The following IL1RAPL2 variants were observed in gnomAD, a reference collection of about 807,000 sequenced individuals.
IL1RAPL2 encodes interleukin 1 receptor accessory protein like 2, also known as X-linked interleukin-1 receptor accessory protein-like 2.
IL1RAPL2 carries 3 observed loss-of-function variants against 44.1 expected under a neutral mutation model. That is an observed-to-expected ratio of 0.07 (90% confidence interval 0.03 to 0.18). The LOEUF is 0.18. IL1RAPL2 is among the 10% of genes least tolerant of loss of function. The pLI is 1.00. For missense variants in IL1RAPL2, 391 were observed against 496.4 expected, an observed-to-expected ratio of 0.79 and a Z score of 2.02; for synonymous variants, 181 against 178.8, an observed-to-expected ratio of 1.01 and a Z score of -0.10.
chrX:105,433,704 T>A (rs2147752075), intron 5 of IL1RAPL2, among the ~76,000 whole-genome samples: 1 of 111,382 alleles, frequency 9.0e-6, no homozygotes, highest in Admixed American at 9.6e-5. Flanking sequence ...CAAAGATGTT[T>A]AGTGACCAGA....
At chrX:105,509,178 TA>T (rs2036452703) in intron 6 of IL1RAPL2, among the ~76,000 whole-genome samples, 1 of 112,000 alleles carries the variant, frequency 8.9e-6, no homozygotes, top group African/African-American at 3.2e-5. Context: ...TCACGGACTC[TA>T]ATAAAGTTCT....
intron 5 of IL1RAPL2, among the ~76,000 whole-genome samples, chrX:105,412,200 AAAG>A (rs1199521577): frequency 1.8e-5 from 2 of 110,293 alleles, no homozygotes. Flanking sequence ...CTACATCAAA[AAAG>A]AAGAAGTATC....
chrX:105,142,764 G>T (rs1421534464), intron 2 of IL1RAPL2, among the ~76,000 whole-genome samples: 1 of 109,450 alleles, frequency 9.1e-6, no homozygotes, highest in Non-Finnish European at 1.9e-5. Context: ...ATCTCCTAAT[G>T]CATCCCTCCC....
chrX:104,955,303 C>T (rs1433651734), intron 2 of IL1RAPL2, among the ~76,000 whole-genome samples: 1 of 110,326 alleles, frequency 9.1e-6, no homozygotes, highest in Non-Finnish European at 1.9e-5. Flanking sequence ...AAATATTCCT[C>T]AAGGTCACTG....
chrX:105,291,646 T>C (rs2034613022), intron 5 of IL1RAPL2, among the ~76,000 whole-genome samples: 1 of 111,558 alleles, frequency 9.0e-6, no homozygotes, highest in African/African-American at 3.3e-5. Flanking sequence ...AAAAATCTCC[T>C]TTCTGCCTCC....
chrX:105,084,851 C>T (rs193004213), intron 2 of IL1RAPL2, among the ~76,000 whole-genome samples: 230 of 111,855 alleles, frequency 2.1e-3, no homozygotes, highest in African/African-American at 6.2e-3. Flanking sequence ...CCATAATCCC[C>T]ACATGTCGAG....
chrX:105,431,569 C>A (rs1474141860), intron 5 of IL1RAPL2, among the ~76,000 whole-genome samples: 3 of 111,098 alleles, frequency 2.7e-5, no homozygotes, highest in African/African-American at 9.8e-5. Context: ...TATTTTTAAC[C>A]AAGCTTCTTC....
chrX:105,444,530 G>A (rs991841399), intron 5 of IL1RAPL2, among the ~76,000 whole-genome samples: 4 of 110,707 alleles, frequency 3.6e-5, no homozygotes, highest in South Asian at 3.7e-4. Context: ...ATGGTGAGAG[G>A]CATCATGTTT....
chrX:105,706,321 G>GA (rs1009076120), intron 6 of IL1RAPL2, among the ~76,000 whole-genome samples: 2 of 111,744 alleles, frequency 1.8e-5, no homozygotes, highest in Non-Finnish European at 3.8e-5. Flanking sequence ...AATTTTCAAA[G>GA]AAAAAAATGC....
At chrX:105,083,766 C>T (rs747194742) in intron 2 of IL1RAPL2, among the ~76,000 whole-genome samples, 4 of 111,912 alleles carry the variant, frequency 3.6e-5, no homozygotes, top group Non-Finnish European at 7.5e-5. Context: ...AAAGCAAATG[C>T]TGAGATTTTG....
intron 2 of IL1RAPL2, among the ~76,000 whole-genome samples, chrX:104,766,846 C>T (rs1404043537): frequency 2.7e-5 from 3 of 112,074 alleles, no homozygotes; most frequent in Admixed American, 9.4e-5. Context: ...TCTATTTTTG[C>T]TTTGTTTTTT....
At chrX:105,752,795 C>T (rs1381845518) in intron 9 of IL1RAPL2, among the ~76,000 whole-genome samples, 1 of 111,934 alleles carries the variant, frequency 8.9e-6, no homozygotes, top group African/African-American at 3.2e-5. Context: ...CTGTAGCATC[C>T]GTGTCACTGC....
At chrX:105,202,519 C>T (rs192730000) in intron 3 of IL1RAPL2, among the ~76,000 whole-genome samples, 2 of 112,213 alleles carry the variant, frequency 1.8e-5, no homozygotes, top group Non-Finnish European at 3.8e-5. Context: ...GCAATCCCCT[C>T]CATAATCTCA....
At chrX:104,903,054 T>G (rs921846199) in intron 2 of IL1RAPL2, among the ~76,000 whole-genome samples, 5 of 111,630 alleles carry the variant, frequency 4.5e-5, no homozygotes, top group African/African-American at 1.3e-4. Flanking sequence ...ATTGTCCTAT[T>G]AGAACTGTAG....
At chrX:105,132,750 T>C (rs187683947) in intron 2 of IL1RAPL2, among the ~76,000 whole-genome samples, 32 of 111,925 alleles carry the variant, frequency 2.9e-4, no homozygotes, top group Non-Finnish European at 5.7e-4. Context: ...GAAGAGATTA[T>C]GTTGTTTCTT....
chrX:105,570,490 A>C (rs2037006837), intron 6 of IL1RAPL2, among the ~76,000 whole-genome samples: 1 of 111,968 alleles, frequency 8.9e-6, no homozygotes, highest in South Asian at 3.7e-4. Context: ...ATTGAATGGT[A>C]GTTCTACTTT....
At chrX:105,561,029 A>G (rs1013378976) in intron 6 of IL1RAPL2, among the ~76,000 whole-genome samples, 16 of 111,615 alleles carry the variant, frequency 1.4e-4, no homozygotes, top group African/African-American at 5.2e-4. Context: ...GTGCATCATA[A>G]TTTGCTTGAG....
chrX:104,822,750 G>A (rs912356863), intron 2 of IL1RAPL2, among the ~76,000 whole-genome samples: 7 of 111,695 alleles, frequency 6.3e-5, no homozygotes, highest in Non-Finnish European at 5.6e-5. Context: ...ATCTTTTTTG[G>A]TTCCATGTGA....
At chrX:105,765,216 A>C (rs2038719905) in intron 10 of IL1RAPL2, 1 of 111,916 alleles carries the variant, frequency 8.9e-6, no homozygotes, top group Non-Finnish European at 1.9e-5. Flanking sequence ...CTTCCCACAT[A>C]ACTTCTTTCT....
Sources: gnomAD v4.1 joint callset for allele counts (sites outside exome capture counted in the v4.1 genomes callset) on GRCh38, gnomAD v4.1.1 for gene constraint, MANE v1.5 for transcripts, NCBI Gene and HGNC (gene_info 2026-07-23, HGNC 2026-07-21) for gene names.